MLIP: variants seen among roughly 807,000 people sequenced by gnomAD.
MLIP encodes muscular LMNA-interacting protein.
In MLIP, 79 loss-of-function variants were observed where a neutral mutation model predicts 84.8. The ratio of observed to expected loss-of-function variants is 0.93; its 90% CI spans 0.78 to 1.12. The LOEUF (loss-of-function observed/expected upper bound fraction) is 1.12, where lower values mean the gene tolerates loss of function less well. MLIP is among the 50% of genes most tolerant of loss of function. The pLI is 0.00. For synonymous variants in MLIP, 504 were observed against 463.0 expected (o/e 1.09, Z -1.14); for missense variants, 1,257 against 1,160.6 (o/e 1.08, Z -1.21).
intron 12 of MLIP, among the ~76,000 whole-genome samples, chr6:54,256,395 A>G (rs1783006580): frequency 6.6e-6 from 1 of 152,106 alleles, no homozygotes; most frequent in South Asian, 2.1e-4. Flanking sequence ...TTTTTGCCCA[A>G]AGCAAGACCC....
intron 11 of MLIP, among the ~76,000 whole-genome samples, chr6:54,221,360 A>G (rs1780207556): frequency 1.3e-5 from 2 of 152,150 alleles, no homozygotes; most frequent in African/African-American, 4.8e-5. Context: ...AGAACTCCAG[A>G]GTGAATAACA....
At chr6:54,054,887 C>T (rs1050255809) in intron 1 of MLIP, among the ~76,000 whole-genome samples, 3 of 148,858 alleles carry the variant, frequency 2.0e-5, no homozygotes, top group Non-Finnish European at 4.4e-5. Context: ...TGTTTCATCA[C>T]TATCTTTTTT....
At chr6:54,250,402 A>G (rs2150866432) in intron 12 of MLIP, among the ~76,000 whole-genome samples, 1 of 152,184 alleles carries the variant, frequency 6.6e-6, no homozygotes, top group Middle Eastern at 3.4e-3. Context: ...ATAAAGACAC[A>G]TGCATGTGTA....
At chr6:54,237,130 T>C (rs1297765859) in intron 12 of MLIP, among the ~76,000 whole-genome samples, 1 of 151,742 alleles carries the variant, frequency 6.6e-6, no homozygotes, top group Non-Finnish European at 1.5e-5. Flanking sequence ...AGGAAATGCC[T>C]GTTAGGGGAG....
intron 1 of MLIP, chr6:54,043,548 T>C (rs955963347): frequency 1.3e-5 from 2 of 152,260 alleles, no homozygotes; most frequent in Non-Finnish European, 2.9e-5. Flanking sequence ...CTGATGACTT[T>C]CGTGTTTTGT....
At chr6:54,098,148 C>CTTTTTTTTTT (rs5876357) in intron 1 of MLIP, among the ~76,000 whole-genome samples, 11 of 123,848 alleles carry the variant, frequency 8.9e-5, no homozygotes, top group East Asian at 2.2e-4. Context: ...ATTTTTCTTT[C>CTTTTTTTTTT]TTTTTTTTTT....
chr6:54,098,156 T>C (rs1222467032), intron 1 of MLIP, among the ~76,000 whole-genome samples: 1 of 145,818 alleles, frequency 6.9e-6, no homozygotes, highest in South Asian at 2.1e-4. Flanking sequence ...TTCTTTTTTT[T>C]TTTTTTTTTT....
chr6:54,259,123 A>G (rs1783216206), intron 13 of MLIP, among the ~76,000 whole-genome samples: 1 of 151,670 alleles, frequency 6.6e-6, no homozygotes, highest in African/African-American at 2.4e-5. Context: ...TTTTAAATCT[A>G]TTTTGTTTTT....
intron 1 of MLIP, among the ~76,000 whole-genome samples, chr6:54,059,774 T>C (rs183155027): frequency 6.6e-6 from 1 of 152,328 alleles, no homozygotes; most frequent in Admixed American, 6.5e-5. Context: ...CTAATGGATA[T>C]GTAAAGAGAA....
At chr6:54,149,360 A>G (rs527298723) in intron 5 of MLIP, among the ~76,000 whole-genome samples, 1 of 152,220 alleles carries the variant, frequency 6.6e-6, no homozygotes, top group South Asian at 2.1e-4. Flanking sequence ...GTCCACTGTC[A>G]AGCTACTTTG....
chr6:54,124,948 C>A (rs1343216892), intron 3 of MLIP, 83 bp downstream of exon 3: 1 of 1,243,710 alleles, frequency 8.0e-7, no homozygotes, highest in Non-Finnish European at 1.1e-6. Context: ...AAAGGCCATC[C>A]TGTTTAAGGC....
At chr6:54,215,098 G>A (rs1168760861) in intron 11 of MLIP, 19 of 1,413,638 alleles carry the variant, frequency 1.3e-5, no homozygotes, top group Middle Eastern at 1.8e-4. Flanking sequence ...TTTTCTACAC[G>A]CTGTGTACTT....
At chr6:54,118,332 A>G (rs114860901) in intron 1 of MLIP, among the ~76,000 whole-genome samples, 1,695 of 152,330 alleles carry the variant, frequency 0.011, 38 homozygotes, top group African/African-American at 0.038. Flanking sequence ...ACATGGACCA[A>G]TGGAACTGAG....
upstream of MLIP, among the ~76,000 whole-genome samples, chr6:54,110,439 A>C (rs1165529031): frequency 1.3e-5 from 2 of 152,174 alleles, no homozygotes; most frequent in East Asian, 3.8e-4. Flanking sequence ...GAAGGCTCAT[A>C]GTTTTTTTTA....
intron 11 of MLIP, among the ~76,000 whole-genome samples, chr6:54,206,229 G>A (rs1779026842): frequency 6.6e-6 from 1 of 152,004 alleles, no homozygotes; most frequent in Non-Finnish European, 1.5e-5. Flanking sequence ...TAATATAAAA[G>A]GGCAATAATT....
At chr6:54,034,908 G>A (rs1035499640) in intron 1 of MLIP, among the ~76,000 whole-genome samples, 1 of 151,886 alleles carries the variant, frequency 6.6e-6, no homozygotes, top group Non-Finnish European at 1.5e-5. Context: ...GCCCTATACA[G>A]GTGTGCCATT....
At chr6:54,127,345 T>C (rs1170481607) in intron 3 of MLIP, among the ~76,000 whole-genome samples, 2 of 152,132 alleles carry the variant, frequency 1.3e-5, no homozygotes, top group Admixed American at 6.6e-5. Flanking sequence ...AATTTCTGTA[T>C]CCCTAGCACT....
At chr6:54,245,466 C>G (rs768573859) in intron 12 of MLIP, among the ~76,000 whole-genome samples, 3 of 152,064 alleles carry the variant, frequency 2.0e-5, no homozygotes, top group African/African-American at 4.8e-5. Context: ...GAGAGAGAGT[C>G]GAGTAACTCA....
chr6:54,230,873 CAGG>C lies in MLIP; in HGVS notation c.2881_2883del (p.Glu961del). On this transcript the variant is annotated inframe_deletion, in exon 12 of 14. Coordinates refer to ENST00000502396, the MANE Select transcript of MLIP (RefSeq NM_001281747.2). ...TCTGTCCTTCTCCTTGAGTGATGAA[CAGG>C]AGAATTCTCACACCCTCCTCAGTCA... 1 of 1,613,992 alleles carries C rather than the reference CAGG, an allele frequency of 6.2e-7. No homozygotes were observed. The highest frequency in any genetic ancestry group is 8.5e-7 in the Non-Finnish European group (1 of 1,179,948).
Sources: gnomAD v4.1 joint callset for allele counts (sites outside exome capture counted in the v4.1 genomes callset) on GRCh38, gnomAD v4.1.1 for gene constraint, MANE v1.5 for transcripts, NCBI Gene and HGNC (gene_info 2026-07-23, HGNC 2026-07-21) for gene names.